PCNX2: variants seen among roughly 807,000 people sequenced by gnomAD.
PCNX2 encodes the protein pecanex-like protein 2.
Under a neutral mutation model 223.8 loss-of-function variants are expected in PCNX2, and 168 were observed. The ratio of observed to expected loss-of-function variants is 0.75; its 90% confidence interval spans 0.66 to 0.85. The LOEUF (loss-of-function observed/expected upper bound fraction) is 0.85, where lower values mean the gene tolerates loss of function less well. Ranked by LOEUF, PCNX2 falls within the 40% of genes least tolerant of loss-of-function variation. The probability of loss-of-function intolerance (pLI) is 0.00; values close to 1 mark genes in which losing one functional copy is unlikely to be tolerated. For synonymous variants in PCNX2, 1,006 were observed against 1,052.6 expected, an observed-to-expected ratio of 0.96 and a Z score of 0.86; for missense variants, 2,507 against 2,675.5, an observed-to-expected ratio of 0.94 and a Z score of 1.39.
At chr1:233,193,428 C>T (rs996528439) in intron 15 of PCNX2, among the ~76,000 whole-genome samples, 4 of 152,092 alleles carry the variant, frequency 2.6e-5, no homozygotes, top group African/African-American at 9.7e-5. Flanking sequence ...CTCCAGAAAA[C>T]TTAAGAGAAC....
chr1:233,165,734 G>T (rs1678755641), intron 17 of PCNX2, among the ~76,000 whole-genome samples: 1 of 152,090 alleles, frequency 6.6e-6, no homozygotes, highest in Non-Finnish European at 1.5e-5. Flanking sequence ...AATAAATGGG[G>T]AGATATACTG....
At chr1:233,270,662 T>G (rs556136943) in intron 1 of PCNX2, among the ~76,000 whole-genome samples, 1 of 152,224 alleles carries the variant, frequency 6.6e-6, no homozygotes. Flanking sequence ...TAGAACACTT[T>G]GTCTTAGGCC....
chr1:233,026,293 C>A (rs7542140), intron 25 of PCNX2, among the ~76,000 whole-genome samples: 70 of 152,228 alleles, frequency 4.6e-4, no homozygotes, highest in African/African-American at 1.6e-3. Flanking sequence ...GAGGTGGGAA[C>A]ATACTTATTA....
At chr1:233,085,400 C>G (rs971650482) in intron 23 of PCNX2, among the ~76,000 whole-genome samples, 2 of 150,950 alleles carry the variant, frequency 1.3e-5, no homozygotes, top group Non-Finnish European at 3.0e-5. Flanking sequence ...AAAATGAAAA[C>G]TAAACAAGTT....
At chr1:233,195,824 A>G (rs1680694564) in intron 15 of PCNX2, among the ~76,000 whole-genome samples, 1 of 152,222 alleles carries the variant, frequency 6.6e-6, no homozygotes, top group Admixed American at 6.5e-5. Flanking sequence ...TGGATCAAAA[A>G]GTTACAGTTA....
chr1:233,295,894 C>T (rs948148267), upstream of PCNX2, among the ~76,000 whole-genome samples: 12 of 151,882 alleles, frequency 7.9e-5, no homozygotes, highest in African/African-American at 2.9e-4. This position sits in a 1 kb window ranked among gnomAD's most constrained non-coding sequence, Gnocchi z 4.1. Flanking sequence ...TTCTTTCTCT[C>T]TCTCTTTTTC....
intron 21 of PCNX2, among the ~76,000 whole-genome samples, chr1:233,122,128 A>T (rs1283938060): frequency 1.3e-5 from 2 of 151,862 alleles, no homozygotes; most frequent in East Asian, 3.9e-4. Context: ...AGAGAGAGAG[A>T]GACAGAGAGA....
intron 15 of PCNX2, among the ~76,000 whole-genome samples, chr1:233,195,853 A>G (rs1406316585): frequency 2.0e-5 from 3 of 152,160 alleles, no homozygotes; most frequent in African/African-American, 4.8e-5. Flanking sequence ...GTTCTCCCCA[A>G]ATTGATCTAC....
intron 17 of PCNX2, among the ~76,000 whole-genome samples, chr1:233,174,486 G>T (rs1421657206): frequency 6.6e-6 from 1 of 151,344 alleles, no homozygotes; most frequent in East Asian, 1.9e-4. Flanking sequence ...ATTCACTGTG[G>T]CATTTTATAT....
At chr1:233,166,468 G>GA (rs1678804521) in intron 17 of PCNX2, among the ~76,000 whole-genome samples, 2 of 56,396 alleles carry the variant, frequency 3.5e-5, no homozygotes, top group African/African-American at 4.5e-4. Flanking sequence ...AAAGACTAGG[G>GA]AAAAAAAAAT....
At chr1:233,018,991 G>C in intron 26 of PCNX2, 2 of 985,390 alleles carry the variant, frequency 2.0e-6, no homozygotes, top group South Asian at 9.4e-5. Context: ...TTCTAGGGGG[G>C]CCCCCACCCT....
chr1:233,066,492 G>A (rs1360051981), intron 23 of PCNX2, among the ~76,000 whole-genome samples: 1 of 152,220 alleles, frequency 6.6e-6, no homozygotes, highest in African/African-American at 2.4e-5. Flanking sequence ...GCTGCCTGTG[G>A]TATGCCTAGT....
chr1:233,231,744 G>A (rs1658075966), intron 9 of PCNX2: 1 of 811,206 alleles, frequency 1.2e-6, no homozygotes, highest in African/African-American at 1.9e-5. Context: ...GGGAAGGCAG[G>A]GTTGGTAGGG....
intron 23 of PCNX2, among the ~76,000 whole-genome samples, chr1:233,069,010 A>C (rs1425554215): frequency 6.6e-6 from 1 of 152,152 alleles, no homozygotes; most frequent in Non-Finnish European, 1.5e-5. Context: ...AACTGAAAAT[A>C]AAAAATGAAA....
Position 233,232,840 on chromosome 1 carries a change from C to T in PCNX2, c.2358+4005G>A, listed in dbSNP as rs917012604. On this transcript the variant is annotated intron_variant, in intron 9 of 33. Transcript: ENST00000258229. ...AATTCTCATCAGTTTAGGACCAATG[C>T]AATGCTTGACCGTCATGCTATCCAT... The T allele has an allele frequency of 5.1e-6, 5 of 985,246 alleles. No homozygotes were observed. In the African/African-American group the frequency reaches 8.7e-5, roughly 17 times the overall value. 61.0% of individuals were successfully genotyped at this position (985,246 alleles called of 1,614,324 possible).
In PCNX2 at chr1:233,017,512, T is replaced by A. The variant is rs527704750; in HGVS notation, c.4606-358A>T. 4.6e-5 allele frequency among the ~76,000 whole-genome samples: 7 copies of A among 152,132 alleles called. No individual in the cohort carries two copies. In the East Asian group the frequency reaches 7.8e-4, roughly 17 times the overall value. ...TTTTCTATTTTAGTGGAGACGGGGT[T>A]TCACCATGTTAGCCAGGATGGTCTC... On this transcript the variant is annotated intron_variant, in intron 26 of 33. Coordinates refer to ENST00000258229, the MANE Select transcript of PCNX2 (RefSeq NM_014801.4).
At chr1:233,092,772 A>C (rs1673933368) in intron 22 of PCNX2, among the ~76,000 whole-genome samples, 1 of 152,128 alleles carries the variant, frequency 6.6e-6, no homozygotes, top group Admixed American at 6.5e-5. Context: ...TTAAAATGAA[A>C]ACATCAATTA....
intron 32 of PCNX2, 125 bp downstream of exon 32, chr1:232,998,126 C>A: frequency 1.0e-6 from 1 of 988,464 alleles, no homozygotes; most frequent in Non-Finnish European, 1.4e-6. Flanking sequence ...TGCAAATTTC[C>A]GGCATCTATT....
intron 15 of PCNX2, among the ~76,000 whole-genome samples, chr1:233,183,894 G>T (rs74145094): frequency 0.047 from 7,105 of 152,198 alleles, 607 homozygotes; most frequent in African/African-American, 0.16. Flanking sequence ...CCGCTGCAGG[G>T]GCTTCTGGAA....
Sources: allele counts gnomAD v4.1 joint callset (sites outside exome capture counted in the v4.1 genomes callset), GRCh38; gene constraint gnomAD v4.1.1; non-coding constraint Gnocchi (gnomAD v3.1); transcripts MANE v1.5; gene names NCBI Gene and HGNC (gene_info 2026-07-23, HGNC 2026-07-21).